Variants in OPRM1 observed in about 807,000 individuals in gnomAD.
OPRM1 encodes the protein opioid receptor mu 1.
A neutral mutation model predicts 31.8 loss-of-function variants in OPRM1; 27 were observed. That is an observed-to-expected ratio of 0.85 (90% CI 0.63 to 1.17). The LOEUF (loss-of-function observed/expected upper bound fraction) is 1.17, where lower values mean the gene tolerates loss of function less well. Ranked by LOEUF, OPRM1 falls within the 50% of genes most tolerant of loss-of-function variation. OPRM1 has a pLI of 0.00. For synonymous variants in OPRM1, 196 were observed against 189.9 expected, an observed-to-expected ratio of 1.03 and a Z score of -0.26; for missense variants, 536 against 511.1, an observed-to-expected ratio of 1.05 and a Z score of -0.47.
chr6:154,094,250 T>C (rs1333806858), intron 3 of OPRM1: 2 of 1,282,676 alleles, frequency 1.6e-6, no homozygotes, highest in South Asian at 1.2e-5. Flanking sequence ...GTGTCTGTAT[T>C]CTGACAACTG....
intron 1 of OPRM1, among the ~76,000 whole-genome samples, chr6:154,031,273 G>T (rs980130995): frequency 2.0e-5 from 3 of 152,062 alleles, no homozygotes; most frequent in African/African-American, 7.2e-5. Context: ...TTTGGCACAG[G>T]TCATTAAGTT....
intron 3 of OPRM1, among the ~76,000 whole-genome samples, chr6:154,205,743 AT>A (rs1777441148): frequency 6.6e-6 from 1 of 152,234 alleles, no homozygotes; most frequent in Admixed American, 6.5e-5. Flanking sequence ...ATAAACTGCA[AT>A]TAGGACAAGG....
At chr6:154,213,400 T>C (rs1367486491) in intron 3 of OPRM1, 1 of 155,446 alleles carries the variant, frequency 6.4e-6, no homozygotes, top group East Asian at 1.9e-4. Flanking sequence ...AGTTTTGTAC[T>C]AACTCACAAT....
chr6:154,230,151 G>T (rs534874837), intron 3 of OPRM1, among the ~76,000 whole-genome samples: 41 of 152,090 alleles, frequency 2.7e-4, no homozygotes, highest in Non-Finnish European at 4.7e-4. Flanking sequence ...TGCATCACTT[G>T]GTAAATCTAC....
At chr6:154,094,299 G>T (rs660756) in intron 3 of OPRM1, 700,449 of 1,038,312 alleles carry the variant, frequency 0.67, 238,747 homozygotes, top group East Asian at 0.89. Flanking sequence ...AAGTGGAGTG[G>T]CGATTTGGCA....
intron 3 of OPRM1, among the ~76,000 whole-genome samples, chr6:154,101,111 C>A (rs1386987544): frequency 1.3e-5 from 2 of 151,676 alleles, no homozygotes; most frequent in South Asian, 2.1e-4. Context: ...CAACAAATAG[C>A]AAAATATTTT....
At chr6:154,193,646 GA>G (rs1802129548) in intron 3 of OPRM1, among the ~76,000 whole-genome samples, 1 of 152,190 alleles carries the variant, frequency 6.6e-6, no homozygotes, top group Admixed American at 6.5e-5. Flanking sequence ...TTATAAGAAA[GA>G]GAAGAAAAAT....
At chr6:154,116,352 G>A (rs56143736) in intron 3 of OPRM1, among the ~76,000 whole-genome samples, 1 of 151,922 alleles carries the variant, frequency 6.6e-6, no homozygotes, top group South Asian at 2.1e-4. Flanking sequence ...TTTGAAGGCC[G>A]AGGCAAGTAG....
intron 3 of OPRM1, among the ~76,000 whole-genome samples, chr6:154,141,981 T>A (rs1798224833): frequency 6.6e-6 from 1 of 152,190 alleles, no homozygotes; most frequent in Admixed American, 6.5e-5. Context: ...TTTACACAAG[T>A]GGTTGCTAGT....
At position 154,130,871 on chromosome 6, in the gene OPRM1, T is replaced by C. The variant is rs1004716346; in HGVS notation, c.*12150T>C. 6.6e-5 allele frequency among the ~76,000 whole-genome samples: 10 copies of C among 152,116 alleles called. No homozygotes were observed. The highest frequency in any genetic ancestry group is 2.2e-4 in the African/African-American group (9 of 41,426). On this transcript the variant is annotated 3_prime_UTR_variant, in exon 4 of 4. Coordinates refer to ENST00000330432, the MANE Select transcript of OPRM1 (RefSeq NM_000914.5). ...GTCATCCTTCCCCTGGCAATACATT[T>C]CCTGAACTTTTACATACTTAAATAG... is the stretch of plus-strand genomic sequence containing the variant.
intron 3 of OPRM1, among the ~76,000 whole-genome samples, chr6:154,138,263 C>T (rs996163081): frequency 1.6e-4 from 24 of 151,826 alleles, no homozygotes; most frequent in Non-Finnish European, 3.1e-4. Flanking sequence ...AAAAAAGTCA[C>T]GCAGTTTTTT....
chr6:154,160,775 A>G (rs1798945066), intron 3 of OPRM1, among the ~76,000 whole-genome samples: 4 of 152,318 alleles, frequency 2.6e-5, no homozygotes, highest in South Asian at 4.1e-4. Flanking sequence ...TGACAATTGT[A>G]TCTCAAATCT....
At chr6:154,198,824 T>A (rs550979925) in intron 3 of OPRM1, among the ~76,000 whole-genome samples, 1 of 152,238 alleles carries the variant, frequency 6.6e-6, no homozygotes, top group African/African-American at 2.4e-5. Context: ...CTCTGGCAAG[T>A]GATTATGAGA....
chr6:154,124,094 T>C lies in OPRM1; in HGVS notation c.*5373T>C, dbSNP rs1797452596. ...ATATAAGGACCATTGACACTGAGAT[T>C]TTAAGGGAGGAAAAACAGATTGACA... On this transcript the variant is annotated 3_prime_UTR_variant, in exon 4 of 4. Transcript: ENST00000330432. Among the ~76,000 whole-genome samples, 2 of 152,124 alleles carry C rather than the reference T, an allele frequency of 1.3e-5. No homozygotes were observed. The highest frequency in any genetic ancestry group is 1.3e-4 in the Admixed American group (2 of 15,268).
chr6:154,011,775 T>C (rs1447441493), intron 1 of OPRM1, among the ~76,000 whole-genome samples: 4 of 152,166 alleles, frequency 2.6e-5, no homozygotes, highest in African/African-American at 9.6e-5. Flanking sequence ...CATTTATTTA[T>C]TTATTTCACA....
chr6:154,099,399 GTAAA>G (rs1794046125), intron 3 of OPRM1, among the ~76,000 whole-genome samples: 2 of 89,072 alleles, frequency 2.2e-5, no homozygotes, highest in Non-Finnish European at 4.5e-5. Flanking sequence ...AAGAAAGAAA[GTAAA>G]GAAAGAAAGA....
chr6:154,209,643 CAA>C (rs34423257), intron 3 of OPRM1, among the ~76,000 whole-genome samples: 104 of 107,888 alleles, frequency 9.6e-4, no homozygotes, highest in Middle Eastern at 4.9e-3. Flanking sequence ...GACTGTGTCT[CAA>C]AAAAAAAAAA....
intron 3 of OPRM1, among the ~76,000 whole-genome samples, chr6:154,149,597 C>CGTGT (rs59431090): frequency 1.3e-3 from 193 of 148,476 alleles, no homozygotes; most frequent in East Asian, 3.6e-3. Flanking sequence ...CATTCTGGAT[C>CGTGT]GTGTGTGTGT....
At chr6:154,153,097 T>C (rs1798585942) in intron 3 of OPRM1, among the ~76,000 whole-genome samples, 1 of 152,140 alleles carries the variant, frequency 6.6e-6, no homozygotes, top group Non-Finnish European at 1.5e-5. Flanking sequence ...TGAATTATCT[T>C]TCCTATGGTG....
Sources: allele counts gnomAD v4.1 joint callset (sites outside exome capture counted in the v4.1 genomes callset), GRCh38; gene constraint gnomAD v4.1.1; transcripts MANE v1.5; gene names NCBI Gene and HGNC (gene_info 2026-07-23, HGNC 2026-07-21).